SLC2A14: variants seen among roughly 807,000 people sequenced by gnomAD.
The protein encoded by SLC2A14 is solute carrier family 2 member 14.
Under a neutral mutation model 43.0 loss-of-function variants are expected in SLC2A14, and 13 were observed. The observed-to-expected ratio is 0.30, with a 90% CI of 0.20 to 0.48. The LOEUF (loss-of-function observed/expected upper bound fraction) is 0.48. Among genes scored for constraint, SLC2A14 ranks in the 20% least tolerant of loss-of-function variants. The pLI is 0.99. For missense variants in SLC2A14, 428 were observed against 620.4 expected, an observed-to-expected ratio of 0.69 and a Z score of 3.29; for synonymous variants, 190 against 233.8, an observed-to-expected ratio of 0.81 and a Z score of 1.71.
chr12:7,863,454 ATC>A (rs1276715724), intron 2 of SLC2A14: 1 of 452,698 alleles, frequency 2.2e-6, no homozygotes. Context: ...GTGAAACTCC[ATC>A]TCTATTAAAA....
chr12:7,878,990 A>C (rs1360263173), intron 1 of SLC2A14, among the ~76,000 whole-genome samples: 13 of 91,522 alleles, frequency 1.4e-4, no homozygotes, highest in African/African-American at 5.0e-4. Flanking sequence ...AAAAAAAAAA[A>C]AAAAAAAAAA....
intron 2 of SLC2A14, among the ~76,000 whole-genome samples, chr12:7,862,945 C>G (rs528342664): frequency 2.0e-5 from 3 of 152,084 alleles, no homozygotes; most frequent in African/African-American, 4.8e-5. Flanking sequence ...ACAGGCCACT[C>G]GGCTCTACCA....
chr12:7,873,340 T>A, upstream of SLC2A14: 2 of 985,306 alleles, frequency 2.0e-6, no homozygotes, highest in Non-Finnish European at 2.4e-6. Flanking sequence ...CAGGGCGAGA[T>A]CCTGTAAAGA....
intron 8 of SLC2A14, among the ~76,000 whole-genome samples, chr12:7,820,264 G>T (rs898284733): frequency 6.7e-6 from 1 of 149,420 alleles, no homozygotes. Context: ...GTATTTCTGT[G>T]CTTTAAAATA....
At chr12:7,863,119 T>A (rs1375382068) in intron 2 of SLC2A14, among the ~76,000 whole-genome samples, 1 of 152,176 alleles carries the variant, frequency 6.6e-6, no homozygotes, top group African/African-American at 2.4e-5. Context: ...GTTGCTTTTA[T>A]GAGCTGTAAC....
At chr12:7,830,342 G>C (rs1289458048) in intron 4 of SLC2A14, among the ~76,000 whole-genome samples, 1 of 151,700 alleles carries the variant, frequency 6.6e-6, no homozygotes. Context: ...TAGTAGAGAT[G>C]GGGTTTCACC....
Position 7,812,584 on chromosome 12 carries a change from A to C in SLC2A14, c.*1732T>G, listed in dbSNP as rs1388675085. On this transcript the variant is annotated 3_prime_UTR_variant, in exon 11 of 11. Coordinates refer to ENST00000431042, the MANE Select transcript of SLC2A14 (RefSeq NM_001286234.2). ...ACAATAATGGAAAATCCATATGGAA[A>C]TATTCACAATCTTCTCAGTGAGAAA... The C allele has an allele frequency of 6.6e-6, 1 of 152,246 alleles. No individual in the cohort carries two copies. Among genetic ancestry groups the C allele is most frequent in the East Asian group, 1.9e-4 (1 of 5,206 alleles). 9.4% of individuals were successfully genotyped at this position (152,246 alleles called of 1,614,324 possible).
upstream of SLC2A14, among the ~76,000 whole-genome samples, chr12:7,874,725 TAAAA>T (rs373581941): frequency 2.3e-5 from 3 of 129,644 alleles, no homozygotes; most frequent in African/African-American, 2.9e-5. Flanking sequence ...TATAAATATA[TAAAA>T]AATATATAAA....
At chr12:7,878,278 T>C (rs1317246291), upstream of SLC2A14, among the ~76,000 whole-genome samples, 2 of 151,574 alleles carry the variant, frequency 1.3e-5, no homozygotes, top group East Asian at 1.9e-4. Context: ...GTCAAACTCC[T>C]GACCTCAGGT....
rs1378660314 is a variant in SLC2A14 at position 7,851,601 on chromosome 12, G to T, written c.18+18262C>A. ...CCTCTATCTTTAAAATAATGAAAAT[G>T]TAATAAGTAAAAAAGCATTAGGAAA... is the stretch of plus-strand genomic sequence containing the variant. On this transcript the variant is annotated intron_variant, in intron 2 of 10. Coordinates refer to ENST00000431042, the MANE Select transcript of SLC2A14 (RefSeq NM_001286234.2). Among the ~76,000 whole-genome samples, 7 of 152,092 alleles carry T rather than the reference G, an allele frequency of 4.6e-5. 1 individual carries two copies. The highest frequency in any genetic ancestry group is 6.6e-5 in the Admixed American group (1 of 15,264).
rs377209325 is a variant in SLC2A14, at chr12:7,817,793, T to TAGAC, written c.1275+37_1275+38insGTCT. 8.9e-4 allele frequency: 1,299 copies of TAGAC among 1,455,724 alleles called. 6 individuals are homozygous for TAGAC. Among genetic ancestry groups the TAGAC allele is most frequent in the African/African-American group, 5.9e-3 (332 of 55,874 alleles). The allele number at this position is 1,455,724 out of a possible 1,614,324, so 90.2% of individuals were successfully genotyped here. ...ATAGATAGATAGACAGATACATAGA[T>TAGAC]AGATACATAGATACATAGATAAGGT... On this transcript the variant is annotated intron_variant, in intron 10 of 10. Coordinates refer to ENST00000431042, the MANE Select transcript of SLC2A14 (RefSeq NM_001286234.2).
At chr12:7,862,579 C>T (rs941023823) in intron 2 of SLC2A14, among the ~76,000 whole-genome samples, 10 of 152,144 alleles carry the variant, frequency 6.6e-5, no homozygotes, top group African/African-American at 1.9e-4. Flanking sequence ...GAGCACATGG[C>T]GCGGGACTGG....
intron 2 of SLC2A14, among the ~76,000 whole-genome samples, chr12:7,864,689 T>A (rs1050515042): frequency 6.6e-5 from 10 of 152,154 alleles, no homozygotes; most frequent in Non-Finnish European, 1.2e-4. Flanking sequence ...GCTCACTTGT[T>A]TATGTAATGA....
intron 2 of SLC2A14, among the ~76,000 whole-genome samples, chr12:7,859,203 A>G (rs1044244026): frequency 1.3e-5 from 2 of 152,022 alleles, no homozygotes; most frequent in African/African-American, 4.8e-5. Context: ...AGCCTGACGA[A>G]CACGGTGAAA....
chr12:7,848,603 T>G (rs2376903), intron 2 of SLC2A14, among the ~76,000 whole-genome samples: 64,771 of 150,806 alleles, frequency 0.43, 13,949 homozygotes, highest in Middle Eastern at 0.53. Context: ...TCGCCCAGGC[T>G]GGAGTGCAAT....
rs1228091058 is a variant in SLC2A14, at chr12:7,817,940, A to G, written c.1166T>C (p.Ile389Thr). 9.3e-6 allele frequency: 15 copies of G among 1,614,200 alleles called. No individual in the cohort carries two copies. Among genetic ancestry groups the G allele is most frequent in the Non-Finnish European group, 1.3e-5 (15 of 1,180,042 alleles). ...EIGPGPIPWFIVAELFSQGPR... is the reference protein window; with the variant it reads ...EIGPGPIPWFTVAELFSQGPR... ...GCCCTGGCTGAAGAGTTCGGCCACA[A>G]TAAACCAGGGAATGGGGCCTGGTCC... Residue 389 changes from isoleucine (I) to threonine (T), a missense_variant, in exon 10 of 11, where the codon ATT becomes ACT. Transcript: ENST00000431042.
In SLC2A14 at chr12:7,855,980, A is replaced by G. The variant is rs951234294; in HGVS notation, c.18+13883T>C. On this transcript the variant is annotated intron_variant, in intron 2 of 10. Transcript: ENST00000431042. Reference sequence around the variant, plus strand: ...GCACCAGCCTCACAACATGAAGTAGACTTTTAAAAAATCATTTTATAATTA... The same window carrying G: ...GCACCAGCCTCACAACATGAAGTAGGCTTTTAAAAAATCATTTTATAATTA... 2.0e-5 allele frequency among the ~76,000 whole-genome samples: 3 copies of G among 152,092 alleles called. No homozygotes were observed. The South Asian group carries it at 6.2e-4, about 32-fold the overall frequency.
chr12:7,834,412 G>A (rs1053153851), intron 2 of SLC2A14, among the ~76,000 whole-genome samples: 1 of 151,876 alleles, frequency 6.6e-6, no homozygotes, highest in Non-Finnish European at 1.5e-5. Flanking sequence ...TGTTGACCTG[G>A]GCACAGTGGC....
At chr12:7,825,568 C>T (rs1182904680) in intron 7 of SLC2A14, among the ~76,000 whole-genome samples, 1 of 151,474 alleles carries the variant, frequency 6.6e-6, no homozygotes, top group Non-Finnish European at 1.5e-5. Context: ...TTGAGACTAT[C>T]TTGGCTAACA....
Sources: allele counts gnomAD v4.1 joint callset (sites outside exome capture counted in the v4.1 genomes callset), GRCh38; gene constraint gnomAD v4.1.1; transcripts MANE v1.5; gene names NCBI Gene and HGNC (gene_info 2026-07-23, HGNC 2026-07-21).